The following RNF213 variants were observed in gnomAD, a reference collection of about 807,000 sequenced individuals.
The protein encoded by RNF213 is ring finger protein 213, also known as E3 ubiquitin-protein ligase RNF213.
RNF213 carries 341 observed loss-of-function variants against 514.4 expected under a neutral mutation model. That is an observed-to-expected ratio of 0.66 (90% CI 0.61 to 0.73). The LOEUF (loss-of-function observed/expected upper bound fraction) is 0.73, where lower values mean the gene tolerates loss of function less well. RNF213 is among the 30% of genes least tolerant of loss of function. RNF213 has a pLI of 0.00. For missense variants in RNF213, 5,767 were observed against 6,615.6 expected (o/e 0.87, Z 4.45); for synonymous variants, 2,655 against 2,658.2 (o/e 1.00, Z 0.04).
intron 55 of RNF213, among the ~76,000 whole-genome samples, chr17:80,380,060 A>G (rs577874494): frequency 6.6e-6 from 1 of 152,356 alleles, no homozygotes; most frequent in African/African-American, 2.4e-5. Context: ...CTGCAGGACC[A>G]AAACCTGGGC....
chr17:80,304,337 G>A (rs555073677), intron 11 of RNF213, among the ~76,000 whole-genome samples: 4 of 152,176 alleles, frequency 2.6e-5, no homozygotes, highest in Middle Eastern at 3.4e-3. Context: ...CTGGACACTC[G>A]TTAATAATAA....
intron 25 of RNF213, among the ~76,000 whole-genome samples, chr17:80,338,523 C>G (rs555422355): frequency 6.6e-6 from 1 of 151,970 alleles, no homozygotes; most frequent in Non-Finnish European, 1.5e-5. Context: ...GTGGCTCACA[C>G]CTGTAAAGCC....
At chr17:80,388,712 T>G in intron 64 of RNF213, 23 bp downstream of exon 64, 1 of 1,538,542 alleles carries the variant, frequency 6.5e-7, no homozygotes, top group Non-Finnish European at 9.0e-7. Flanking sequence ...AACCTGATCC[T>G]GTGCACGGGG....
intron 65 of RNF213, among the ~76,000 whole-genome samples, chr17:80,389,584 G>A (rs987169008): frequency 7.9e-5 from 12 of 152,208 alleles, no homozygotes; most frequent in Admixed American, 2.0e-4. Context: ...TCTAGATAGA[G>A]CCCAAATGTG....
At position 80,344,835 on chromosome 17, in the gene RNF213, C is replaced by G; in HGVS notation, c.6500C>G (p.Pro2167Arg). Residue 2167 changes from proline (P) to arginine (R), a missense_variant, in exon 29 of 68, where the codon CCT (proline) becomes CGT (arginine). By Grantham distance (103) the Pro-to-Arg change is moderately radical. Transcript: ENST00000582970. ...WEFCSETFQR[P>R]YQYLRRFNQN... Reference sequence around the variant, plus strand: ...TTCTGCAGCGAAACTTTCCAAAGACCTTACCAGTATTTAAGACGATTCAAT... The same window carrying G: ...TTCTGCAGCGAAACTTTCCAAAGACGTTACCAGTATTTAAGACGATTCAAT... 2 of 1,614,158 alleles carry G rather than the reference C, an allele frequency of 1.2e-6. No individual in the cohort carries two copies. The highest frequency in any genetic ancestry group is 1.7e-6 in the Non-Finnish European group (2 of 1,180,036).
At chr17:80,386,935 T>C (rs1398988092) in intron 63 of RNF213, 44 bp downstream of exon 63, 2 of 1,556,148 alleles carry the variant, frequency 1.3e-6, no homozygotes, top group African/African-American at 2.7e-5. Flanking sequence ...GTGTGTCTGT[T>C]GTGAACAAGC....
chr17:80,275,129 TGA>T (rs1374622870), intron 3 of RNF213, among the ~76,000 whole-genome samples: 3 of 132,696 alleles, frequency 2.3e-5, no homozygotes, highest in Non-Finnish European at 4.7e-5. Context: ...TGGGTGTGTG[TGA>T]GTGGTGTGTG....
intron 17 of RNF213, among the ~76,000 whole-genome samples, chr17:80,321,773 G>T (rs2046143230): frequency 6.6e-6 from 1 of 152,190 alleles, no homozygotes; most frequent in Non-Finnish European, 1.5e-5. Context: ...ACCCAGGCTG[G>T]AGTGCAGTGG....
At chr17:80,300,832 G>A (rs1191871346) in intron 11 of RNF213, among the ~76,000 whole-genome samples, 3 of 151,982 alleles carry the variant, frequency 2.0e-5, no homozygotes, top group Non-Finnish European at 4.4e-5. Flanking sequence ...GATTGCATGT[G>A]TGAGCCACCA....
At chr17:80,359,350 A>C (rs560896581) in intron 37 of RNF213, among the ~76,000 whole-genome samples, 1 of 151,832 alleles carries the variant, frequency 6.6e-6, no homozygotes, top group African/African-American at 2.4e-5. Context: ...ACATAGTGAG[A>C]CCCCATCACT....
chr17:80,385,284 A>G, intron 60 of RNF213, 113 bp downstream of exon 60: 5 of 1,316,414 alleles, frequency 3.8e-6, no homozygotes, highest in Non-Finnish European at 5.4e-6. Flanking sequence ...TGGGTGCTCT[A>G]TAGCCTAAGC....
intron 9 of RNF213, among the ~76,000 whole-genome samples, 190 bp from the exon 10 acceptor site, chr17:80,295,367 C>T (rs2044896533): frequency 6.6e-6 from 1 of 152,186 alleles, no homozygotes; most frequent in African/African-American, 2.4e-5. Flanking sequence ...CCTGATGAGC[C>T]TCAGGGGCCC....
Position 80,350,413 on chromosome 17 carries a change from T to C in RNF213, c.10184+17T>C, listed in dbSNP as rs1391777314. Reference sequence around the variant, plus strand: ...CTCAGCTAAGTATGTTTTTAGTATTTTTCTCAGAAACTATGTAAAAAACCC... The same window carrying C: ...CTCAGCTAAGTATGTTTTTAGTATTCTTCTCAGAAACTATGTAAAAAACCC... On this transcript the variant is annotated intron_variant, in intron 31 of 67. Transcript: ENST00000582970. 6.4e-7 allele frequency: 1 copy of C among 1,553,276 alleles called. No individual in the cohort carries two copies. Among genetic ancestry groups the C allele is most frequent in the East Asian group, 2.2e-5 (1 of 44,596 alleles).
chr17:80,274,905 TGTGTGAGTGGG>T (rs1417487217), intron 3 of RNF213, among the ~76,000 whole-genome samples: 8 of 21,568 alleles, frequency 3.7e-4, no homozygotes, highest in Non-Finnish European at 3.5e-4. Flanking sequence ...GTGTTGGGGG[TGTGTGAGTGGG>T]GTGTGAGTGG....
chr17:80,300,367 C>T (rs966386666), intron 11 of RNF213, among the ~76,000 whole-genome samples: 3 of 151,344 alleles, frequency 2.0e-5, no homozygotes, highest in Non-Finnish European at 2.9e-5. Context: ...TCGGCACAAG[C>T]GATTCTGCTG....
chr17:80,319,414 C>T (rs150268023), intron 17 of RNF213, 102 bp downstream of exon 17: 8 of 1,614,084 alleles, frequency 5.0e-6, no homozygotes, highest in African/African-American at 2.7e-5. Context: ...TCAGCTCCTC[C>T]GCTAACTCAG....
chr17:80,356,024 C>T lies in RNF213; in HGVS notation c.10862+1448C>T, dbSNP rs567665250. Among the ~76,000 whole-genome samples the T allele has an allele frequency of 1.9e-3, 281 of 145,528 alleles. 2 individuals carry two copies. Among genetic ancestry groups the T allele is most frequent in the Non-Finnish European group, 1.9e-3 (126 of 66,886 alleles). On this transcript the variant is annotated intron_variant, in intron 36 of 67. Transcript: ENST00000582970. ...TCTTGATGCTTTTTTTTTTTTGAGACGGAGTCTCACTCTGTCGCCCAGGCT... is the reference window on the plus strand; with the variant it reads ...TCTTGATGCTTTTTTTTTTTTGAGATGGAGTCTCACTCTGTCGCCCAGGCT...
Position 80,353,658 on chromosome 17 carries a change from G to C in RNF213, c.10570G>C (p.Gly3524Arg). 1 of 1,614,218 alleles carries C rather than the reference G, an allele frequency of 6.2e-7. No homozygotes were observed. Among genetic ancestry groups the C allele is most frequent in the Non-Finnish European group, 8.5e-7 (1 of 1,180,040 alleles). Residue 3524 changes from glycine (G) to arginine (R), a missense_variant, in exon 34 of 68, where the codon GGC (glycine) becomes CGC (arginine). Coordinates refer to ENST00000582970, the MANE Select transcript of RNF213 (RefSeq NM_001256071.3). The surrounding 1 kb of genome is among the most constrained non-coding windows in gnomAD (Gnocchi z 5.0). ...KVGKETSELG[G>R]SDVSILDTTR... Reference sequence around the variant, plus strand: ...GGGAAAGGAAACCTCTGAACTCGGAGGCAGTGATGTAAGTTCTGGTTCTTG... The same window carrying C: ...GGGAAAGGAAACCTCTGAACTCGGACGCAGTGATGTAAGTTCTGGTTCTTG...
Position 80,353,710 on chromosome 17 carries a change from G to A in RNF213, c.10578+44G>A. The A allele has an allele frequency of 6.2e-7, 1 of 1,612,568 alleles. No individual in the cohort carries two copies. The highest frequency in any genetic ancestry group is 8.5e-7 in the Non-Finnish European group (1 of 1,178,612). On this transcript the variant is annotated intron_variant, in intron 34 of 67. Transcript: ENST00000582970. The surrounding 1 kb of genome is among the most constrained non-coding windows in gnomAD (Gnocchi z 5.0). ...GACCTCCCCTTGTGCTGCTGGTGAT[G>A]CTTCTGAGCTGCATCTTTAAACGCT...
Sources: gnomAD v4.1 joint callset for allele counts (sites outside exome capture counted in the v4.1 genomes callset) on GRCh38, gnomAD v4.1.1 for gene constraint, Gnocchi (gnomAD v3.1) non-coding constraint, MANE v1.5 for transcripts, NCBI Gene and HGNC (gene_info 2026-07-23, HGNC 2026-07-21) for gene names.